Variants in CCDC73 observed in about 807,000 individuals in gnomAD.
The protein encoded by CCDC73 is coiled-coil domain-containing protein 73.
Under a neutral mutation model 116.5 loss-of-function variants are expected in CCDC73, and 95 were observed. That is an observed-to-expected ratio of 0.82 (90% confidence interval 0.69 to 0.97). CCDC73 has a LOEUF of 0.97. CCDC73 is among the 50% of genes least tolerant of loss of function. CCDC73 has a pLI of 0.00. For synonymous variants in CCDC73, 398 were observed against 401.3 expected (o/e 0.99, Z 0.10); for missense variants, 1,066 against 1,206.8 (o/e 0.88, Z 1.73).
chr11:32,730,794 G>A (rs1365419383), intron 2 of CCDC73, among the ~76,000 whole-genome samples: 1 of 151,746 alleles, frequency 6.6e-6, no homozygotes, highest in African/African-American at 2.4e-5. Flanking sequence ...CTGAGGGGGA[G>A]GTTCCAAGAA....
upstream of CCDC73, among the ~76,000 whole-genome samples, chr11:32,796,198 TTTA>T (rs564401360): frequency 9.5e-4 from 144 of 152,334 alleles, 1 homozygote; most frequent in Middle Eastern, 6.8e-3. Flanking sequence ...GTCTGGTATA[TTTA>T]TTAACTGTAT....
At chr11:32,703,619 A>T (rs1849831019) in intron 3 of CCDC73, among the ~76,000 whole-genome samples, 1 of 152,246 alleles carries the variant, frequency 6.6e-6, no homozygotes, top group Admixed American at 6.5e-5. Flanking sequence ...AATGACAACA[A>T]CAACAACAAC....
chr11:32,797,007 C>G (rs1850732569), upstream of CCDC73, among the ~76,000 whole-genome samples: 1 of 69,912 alleles, frequency 1.4e-5, no homozygotes, highest in East Asian at 6.5e-4. Context: ...CTGAGACTGC[C>G]TCAAAAAAAA....
At chr11:32,717,335 T>C (rs1334599242) in intron 3 of CCDC73, among the ~76,000 whole-genome samples, 1 of 152,242 alleles carries the variant, frequency 6.6e-6, no homozygotes, top group East Asian at 1.9e-4. Flanking sequence ...GAGCTGCTAC[T>C]ATTTTTTAAT....
chr11:32,649,598 T>A (rs548693842), intron 12 of CCDC73, among the ~76,000 whole-genome samples: 1 of 152,294 alleles, frequency 6.6e-6, no homozygotes, highest in South Asian at 2.1e-4. Context: ...TGCAACATAA[T>A]CCTCAGCAAC....
At chr11:32,774,903 A>G (rs1167401186) in intron 1 of CCDC73, among the ~76,000 whole-genome samples, 13 of 152,212 alleles carry the variant, frequency 8.5e-5, no homozygotes, top group Non-Finnish European at 1.8e-4. Context: ...AAACATGTAC[A>G]AAGTGCCTAT....
chr11:32,678,466 TAATATA>T (rs912569380), intron 7 of CCDC73, among the ~76,000 whole-genome samples: 6 of 152,158 alleles, frequency 3.9e-5, no homozygotes, highest in African/African-American at 1.4e-4. Flanking sequence ...TAAAATGAAT[TAATATA>T]AATAAAGCAC....
the CCDC73 span, among the ~76,000 whole-genome samples, chr11:32,814,334 T>C: frequency 6.6e-6 from 1 of 152,246 alleles, no homozygotes; most frequent in East Asian, 1.9e-4. Flanking sequence ...AACTTCCTAA[T>C]ATTGCAGGCT....
the CCDC73 span, among the ~76,000 whole-genome samples, chr11:32,811,537 T>C: frequency 6.6e-6 from 1 of 152,110 alleles, no homozygotes; most frequent in Non-Finnish European, 1.5e-5. Context: ...GGGTAATTTA[T>C]ATAGAAAAGA....
chr11:32,725,149 C>T (rs1189674433), intron 2 of CCDC73, among the ~76,000 whole-genome samples: 3 of 151,740 alleles, frequency 2.0e-5, no homozygotes, highest in Admixed American at 6.6e-5. Context: ...AGTAATCCCC[C>T]CTTATCCATG....
intron 17 of CCDC73, among the ~76,000 whole-genome samples, chr11:32,608,709 G>A (rs1028158024): frequency 6.6e-6 from 1 of 152,208 alleles, no homozygotes; most frequent in Non-Finnish European, 1.5e-5. Context: ...CATTGCCCTA[G>A]CAGAGGTTCT....
chr11:32,640,879 T>C (rs1855725952), intron 13 of CCDC73, among the ~76,000 whole-genome samples: 1 of 151,766 alleles, frequency 6.6e-6, no homozygotes, highest in Non-Finnish European at 1.5e-5. Context: ...TAGCCGGGCG[T>C]GGTGGCGGGT....
Position 32,737,792 on chromosome 11 carries a change from TA to T in CCDC73, c.136-19646del, listed in dbSNP as rs200275824. ...TCAGTTACTAGATCTTATTCAGTCT[TA>T]TTTTTTTTTGTACCCATGAACCATC... On this transcript the variant is annotated intron_variant, in intron 2 of 17. Coordinates refer to ENST00000335185, the MANE Select transcript of CCDC73 (RefSeq NM_001008391.4). Among the ~76,000 whole-genome samples the T allele has an allele frequency of 7.1e-3, 1,070 of 150,984 alleles. 17 individuals are homozygous for T. Among genetic ancestry groups the T allele is most frequent in the African/African-American group, 0.025 (1,033 of 40,914 alleles).
chr11:32,653,925 T>G, intron 11 of CCDC73, 53 bp downstream of exon 11: 3 of 1,560,194 alleles, frequency 1.9e-6, no homozygotes, highest in Non-Finnish European at 8.6e-7. Context: ...TTTTTACATT[T>G]TATCTGATTT....
chr11:32,656,832 A>T (rs192453578), intron 9 of CCDC73, among the ~76,000 whole-genome samples: 2 of 144,536 alleles, frequency 1.4e-5, no homozygotes, highest in African/African-American at 2.6e-5. Context: ...AGGTCTTAAG[A>T]ACTGGATAAA....
rs11031903 is a variant in CCDC73, at chr11:32,623,664, T to C, written c.1186-7535A>G. On this transcript the variant is annotated intron_variant, in intron 14 of 17. Coordinates refer to ENST00000335185, the MANE Select transcript of CCDC73 (RefSeq NM_001008391.4). ...CCACCATGCCCAGCCCAGATTGCCC[T>C]ATGTTGAAGGATGAATGGGAAGTAA... is the stretch of plus-strand genomic sequence containing the variant. Among the ~76,000 whole-genome samples, 93 of 152,304 alleles carry C rather than the reference T, an allele frequency of 6.1e-4. 1 individual carries two copies. In the East Asian group the frequency reaches 0.017, roughly 27 times the overall value.
chr11:32,757,500 C>T (rs1333706038), intron 2 of CCDC73, among the ~76,000 whole-genome samples: 1 of 152,118 alleles, frequency 6.6e-6, no homozygotes, highest in East Asian at 1.9e-4. Flanking sequence ...ACTATTACTA[C>T]TGTAACAAAT....
chr11:32,629,027 A>C (rs1855603441), intron 14 of CCDC73, among the ~76,000 whole-genome samples: 1 of 152,150 alleles, frequency 6.6e-6, no homozygotes, highest in African/African-American at 2.4e-5. Context: ...AAAATTAAAA[A>C]CTCACTGAAT....
chr11:32,635,888 T>C (rs1273017538), intron 13 of CCDC73, 58 bp from the exon 14 acceptor site: 1 of 977,242 alleles, frequency 1.0e-6, no homozygotes, highest in Non-Finnish European at 1.3e-6. Context: ...ATATGTTTTG[T>C]CTGAAAATAT....
Sources: gnomAD v4.1 joint callset for allele counts (sites outside exome capture counted in the v4.1 genomes callset) on GRCh38, gnomAD v4.1.1 for gene constraint, MANE v1.5 for transcripts, NCBI Gene and HGNC (gene_info 2026-07-23, HGNC 2026-07-21) for gene names.